C8orf34: variants seen among roughly 807,000 people sequenced by gnomAD.
C8orf34 encodes the protein uncharacterized protein C8orf34.
In C8orf34, 65 loss-of-function variants were observed where a neutral mutation model predicts 68.3. The observed-to-expected ratio is 0.95, with a 90% confidence interval of 0.78 to 1.17. C8orf34 has a LOEUF of 1.17. C8orf34 is among the 50% of genes most tolerant of loss of function. C8orf34 has a pLI of 0.00. For missense variants in C8orf34, 664 were observed against 655.4 expected, an observed-to-expected ratio of 1.01 and a Z score of -0.14; for synonymous variants, 244 against 241.2, an observed-to-expected ratio of 1.01 and a Z score of -0.11.
chr8:68,554,199 A>G (rs1816178232), intron 7 of C8orf34, among the ~76,000 whole-genome samples: 1 of 152,066 alleles, frequency 6.6e-6, no homozygotes, highest in Non-Finnish European at 1.5e-5. Flanking sequence ...TATACTTACA[A>G]CTCTAGTTTA....
chr8:68,781,837 A>T (rs1337259482), intron 11 of C8orf34, among the ~76,000 whole-genome samples: 1 of 152,216 alleles, frequency 6.6e-6, no homozygotes, highest in African/African-American at 2.4e-5. Flanking sequence ...TATTTTACCA[A>T]GCTAATGTTC....
In C8orf34 at chr8:68,776,463, T is replaced by C. The variant is rs1157818407; in HGVS notation, c.1455+14T>C. On this transcript the variant is annotated intron_variant, in intron 11 of 13. Transcript: ENST00000518698. ...TACATGGAAGAAGTGAGTTTTAAGG[T>C]TGCTTTATAATGTAGTCTGAAATCA... 3 of 1,607,224 alleles carry C rather than the reference T, an allele frequency of 1.9e-6. No individual in the cohort carries two copies. The African/African-American group carries it at 4.0e-5, about 22-fold the overall frequency.
chr8:68,439,452 GT>G lies in C8orf34; in HGVS notation c.328-45del, dbSNP rs1197249759. ...TGCTAAGTAAGTGCTTGCTATTACTGTTGCTGTTATTATTAATTATAATTGT... is the reference window on the plus strand; with the variant it reads ...TGCTAAGTAAGTGCTTGCTATTACTGTGCTGTTATTATTAATTATAATTGT... On this transcript the variant is annotated intron_variant, in intron 1 of 13. Coordinates refer to ENST00000518698, the MANE Select transcript of C8orf34 (RefSeq NM_052958.4). The G allele has an allele frequency of 2.5e-6, 4 of 1,584,654 alleles. No individual in the cohort carries two copies. The Admixed American group carries it at 6.9e-5, about 27-fold the overall frequency.
At chr8:68,610,865 T>TTTTG (rs1817999903) in intron 7 of C8orf34, among the ~76,000 whole-genome samples, 1 of 129,084 alleles carries the variant, frequency 7.7e-6, no homozygotes, top group African/African-American at 3.4e-5. Context: ...TCTTTGGTTT[T>TTTTG]TTTTTTTTTT....
At chr8:68,339,604 A>G (rs1218772673) in intron 1 of C8orf34, among the ~76,000 whole-genome samples, 1 of 152,068 alleles carries the variant, frequency 6.6e-6, no homozygotes, top group African/African-American at 2.4e-5. Context: ...TTCAACAGTC[A>G]TTAAATCAGT....
intron 10 of C8orf34, among the ~76,000 whole-genome samples, chr8:68,732,993 G>T (rs1013369531): frequency 2.6e-5 from 4 of 152,134 alleles, no homozygotes; most frequent in African/African-American, 9.7e-5. Flanking sequence ...GAACCTTGGA[G>T]GCGGAGGTTG....
chr8:68,370,223 T>G (rs1807499212), intron 1 of C8orf34, among the ~76,000 whole-genome samples: 1 of 152,186 alleles, frequency 6.6e-6, no homozygotes. Context: ...AGGCTGCCCA[T>G]CTATTCCCCT....
chr8:68,389,854 C>A (rs941902888), intron 1 of C8orf34, among the ~76,000 whole-genome samples: 1 of 152,150 alleles, frequency 6.6e-6, no homozygotes, highest in African/African-American at 2.4e-5. Flanking sequence ...AAAGCAAAAT[C>A]TAGTTCAAGG....
At chr8:68,624,354 C>T (rs1818474615) in intron 7 of C8orf34, among the ~76,000 whole-genome samples, 1 of 150,940 alleles carries the variant, frequency 6.6e-6, no homozygotes, top group Non-Finnish European at 1.5e-5. Context: ...TGAATTGAAA[C>T]ACAGAAGACA....
At chr8:68,399,788 C>G (rs550552549) in intron 1 of C8orf34, among the ~76,000 whole-genome samples, 1 of 152,082 alleles carries the variant, frequency 6.6e-6, no homozygotes, top group Non-Finnish European at 1.5e-5. Context: ...AGTGTGTAAG[C>G]GTTCCCTTTT....
At chr8:68,787,877 T>A (rs1331244439) in intron 12 of C8orf34, among the ~76,000 whole-genome samples, 1 of 152,206 alleles carries the variant, frequency 6.6e-6, no homozygotes, top group Non-Finnish European at 1.5e-5. Flanking sequence ...TCAAAGTATG[T>A]CAGGATCAGC....
At chr8:68,549,139 C>T (rs1458378210) in intron 7 of C8orf34, among the ~76,000 whole-genome samples, 2 of 151,736 alleles carry the variant, frequency 1.3e-5, no homozygotes, top group African/African-American at 4.8e-5. Flanking sequence ...AGGCAGCCAT[C>T]AATAACCCAA....
At chr8:68,723,067 G>A (rs1195299714) in intron 10 of C8orf34, among the ~76,000 whole-genome samples, 1 of 152,040 alleles carries the variant, frequency 6.6e-6, no homozygotes, top group Non-Finnish European at 1.5e-5. Flanking sequence ...TTAAAAAACA[G>A]TGATATCAGG....
chr8:68,696,833 C>T (rs1585744144), intron 8 of C8orf34, among the ~76,000 whole-genome samples: 1 of 152,074 alleles, frequency 6.6e-6, no homozygotes, highest in Non-Finnish European at 1.5e-5. Flanking sequence ...TAATTTAGTG[C>T]TATATAATTT....
At position 68,815,928 on chromosome 8, in the gene C8orf34, C is replaced by T. The variant is rs1352999998; in HGVS notation, c.1592C>T (p.Pro531Leu). The T allele has an allele frequency of 1.2e-6, 2 of 1,613,716 alleles. No homozygotes were observed. Among genetic ancestry groups the T allele is most frequent in the Non-Finnish European group, 1.7e-6 (2 of 1,179,760 alleles). Residue 531 changes from proline (P) to leucine (L), a missense_variant, in exon 13 of 14, where the codon CCT (proline) becomes CTT (leucine). Physicochemically the swap from Pro to Leu is moderately conservative, Grantham distance 98 (BLOSUM62 -3). Coordinates refer to ENST00000518698, the MANE Select transcript of C8orf34 (RefSeq NM_052958.4). ...LLLCVPCSSC[P>L]TLVYSGL ...CTTTGCGTTCCATGCTCTTCTTGTCCTACGCTGGTCTACTCTGGTATGTTT... is the reference window on the plus strand; with the variant it reads ...CTTTGCGTTCCATGCTCTTCTTGTCTTACGCTGGTCTACTCTGGTATGTTT...
intron 11 of C8orf34, among the ~76,000 whole-genome samples, chr8:68,784,709 G>T (rs1823791943): frequency 6.6e-6 from 1 of 151,886 alleles, no homozygotes. Context: ...TATGTGTTTT[G>T]TTACTCAAAT....
intron 1 of C8orf34, among the ~76,000 whole-genome samples, chr8:68,431,997 T>G (rs939553705): frequency 8.5e-5 from 13 of 152,158 alleles, no homozygotes; most frequent in African/African-American, 2.7e-4. Flanking sequence ...AACGTAATTT[T>G]ACATTAAATC....
chr8:68,557,620 C>T (rs1358216853), intron 7 of C8orf34, among the ~76,000 whole-genome samples: 2 of 152,052 alleles, frequency 1.3e-5, no homozygotes, highest in African/African-American at 4.8e-5. Flanking sequence ...CTTTGGTTTC[C>T]CTACAAATTG....
intron 3 of C8orf34, among the ~76,000 whole-genome samples, chr8:68,466,392 G>C (rs763753373): frequency 4.6e-5 from 7 of 151,882 alleles, no homozygotes; most frequent in Non-Finnish European, 8.8e-5. Context: ...GATTAAATAT[G>C]TTCTCTATGT....
Sources: allele counts gnomAD v4.1 joint callset (sites outside exome capture counted in the v4.1 genomes callset), GRCh38; gene constraint gnomAD v4.1.1; transcripts MANE v1.5; gene names NCBI Gene and HGNC (gene_info 2026-07-23, HGNC 2026-07-21).